NRXN2: variants seen among roughly 807,000 people sequenced by gnomAD.
NRXN2 encodes neurexin 2.
NRXN2 carries 29 observed loss-of-function variants against 128.8 expected under a neutral mutation model. The observed-to-expected ratio is 0.23, with a 90% CI of 0.17 to 0.31. NRXN2 has a LOEUF of 0.31. Ranked by LOEUF, NRXN2 falls within the 10% of genes least tolerant of loss-of-function variation. The pLI is 1.00. For missense variants in NRXN2, 1,881 were observed against 2,452.6 expected (o/e 0.77, Z 4.92); for synonymous variants, 1,098 against 1,075.2 (o/e 1.02, Z -0.41).
At chr11:64,685,272 G>A (rs556896701) in intron 6 of NRXN2, among the ~76,000 whole-genome samples, 1 of 152,222 alleles carries the variant, frequency 6.6e-6, no homozygotes, top group South Asian at 2.1e-4. Context: ...GCACCCAGGA[G>A]CACCCATTCA....
intron 17 of NRXN2, among the ~76,000 whole-genome samples, chr11:64,645,035 G>A (rs975885178): frequency 2.4e-4 from 37 of 152,252 alleles, no homozygotes; most frequent in African/African-American, 8.9e-4. Context: ...GCGGTCCTCA[G>A]AGGCACCCAG....
chr11:64,687,981 A>C (rs1231159911), intron 5 of NRXN2, among the ~76,000 whole-genome samples: 1 of 152,230 alleles, frequency 6.6e-6, no homozygotes, highest in Non-Finnish European at 1.5e-5. Context: ...GTTTTGCCAC[A>C]TGTACTAGTC....
chr11:64,607,976 G>A lies in NRXN2; in HGVS notation c.4359C>T (p.Leu1453=). 4 of 1,539,262 alleles carry A rather than the reference G, an allele frequency of 2.6e-6. No individual in the cohort carries two copies. The highest frequency in any genetic ancestry group is 2.6e-6 in the Non-Finnish European group (3 of 1,143,400). The stretch of plus-strand genomic sequence containing the variant: ...TGTCTTGGGTGGCGCCCACTCCCGT[G>A]AGGAAGGGGTAGAAGGTAGGGGGCG... ...VPPPPTFYPF[L]TGVGATQDTL... The change falls in exon 23 of 23, where the codon CTC becomes CTT. Residue 1453 remains leucine, a synonymous_variant. Coordinates refer to ENST00000265459, the MANE Select transcript of NRXN2 (RefSeq NM_015080.4).
chr11:64,626,518 T>C lies in NRXN2; in HGVS notation c.3792A>G (p.Arg1264=). 1 of 1,614,176 alleles carries C rather than the reference T, an allele frequency of 6.2e-7. No homozygotes were observed. Among genetic ancestry groups the C allele is most frequent in the Non-Finnish European group, 8.5e-7 (1 of 1,179,982 alleles). The stretch of plus-strand genomic sequence containing the variant: ...GACCAAGCCGGTAGGGGATTCTCTG[T>C]CTAGCAATCGCCAGGCGCTCGTTAT... The part of the protein sequence containing the change: ...NFDNERLAIA[R]QRIPYRLGRV... Residue 1264 remains arginine (R), a synonymous_variant, in exon 20 of 23, where the codon AGA becomes AGG. Coordinates refer to ENST00000265459, the MANE Select transcript of NRXN2 (RefSeq NM_015080.4).
intron 5 of NRXN2, among the ~76,000 whole-genome samples, chr11:64,687,413 A>G (rs1474701790): frequency 6.6e-6 from 1 of 152,096 alleles, no homozygotes; most frequent in Non-Finnish European, 1.5e-5. Flanking sequence ...CTCTGTCCTC[A>G]CTGCCTCCGG....
intron 12 of NRXN2, among the ~76,000 whole-genome samples, chr11:64,652,911 T>C (rs1152624): frequency 0.98 from 149,230 of 151,900 alleles, 73,362 homozygotes; most frequent in Middle Eastern, 1. Context: ...TGCAGCACTC[T>C]CTGGTCATCC....
chr11:64,679,860 G>A (rs1373233044), intron 6 of NRXN2, among the ~76,000 whole-genome samples: 1 of 152,186 alleles, frequency 6.6e-6, no homozygotes, highest in Non-Finnish European at 1.5e-5. Context: ...AGCTTCCACT[G>A]GAACCCATTC....
At position 64,622,034 on chromosome 11, in the gene NRXN2, C is replaced by T. The variant is rs1222976733; in HGVS notation, c.4173+719G>A. On this transcript the variant is annotated intron_variant, in intron 21 of 22. Transcript: ENST00000265459. The surrounding 1 kb of genome is among the most constrained non-coding windows in gnomAD (Gnocchi z 4.3). ...GTGCTGCAGGAAGCCTGGGACTAGGCTAGCTGGGGCCATCCAGATCAGCAG... is the reference window on the plus strand; with the variant it reads ...GTGCTGCAGGAAGCCTGGGACTAGGTTAGCTGGGGCCATCCAGATCAGCAG... Among the ~76,000 whole-genome samples the T allele has an allele frequency of 6.6e-6, 1 of 152,096 alleles. No homozygotes were observed. Among genetic ancestry groups the T allele is most frequent in the Non-Finnish European group, 1.5e-5 (1 of 67,994 alleles).
At chr11:64,678,443 C>G (rs188014774) in intron 6 of NRXN2, among the ~76,000 whole-genome samples, 1 of 152,282 alleles carries the variant, frequency 6.6e-6, no homozygotes, top group Non-Finnish European at 1.5e-5. Flanking sequence ...ATCCCAGCAG[C>G]ACAGCCTCCT....
intron 6 of NRXN2, among the ~76,000 whole-genome samples, chr11:64,680,627 C>T (rs547931610): frequency 6.6e-6 from 1 of 152,270 alleles, no homozygotes; most frequent in Admixed American, 6.5e-5. Context: ...ATAATATCTC[C>T]ACCTCACAGA....
At chr11:64,641,972 G>A (rs1216621903) in intron 17 of NRXN2, among the ~76,000 whole-genome samples, 5 of 152,184 alleles carry the variant, frequency 3.3e-5, no homozygotes, top group African/African-American at 1.2e-4. Context: ...AAGGTTGCTA[G>A]AGGGATGGAG....
intron 1 of NRXN2, among the ~76,000 whole-genome samples, chr11:64,718,096 G>T (rs935670386): frequency 6.6e-6 from 1 of 152,264 alleles, no homozygotes; most frequent in South Asian, 2.1e-4. Flanking sequence ...AACCAAAGTC[G>T]CTGGCCTTCC....
intron 7 of NRXN2, among the ~76,000 whole-genome samples, chr11:64,670,247 C>T (rs1311240608): frequency 6.6e-6 from 1 of 151,992 alleles, no homozygotes; most frequent in Non-Finnish European, 1.5e-5. Flanking sequence ...TGGAAAGGGG[C>T]AGTCTGAAAG....
intron 6 of NRXN2, 34 bp from the exon 7 acceptor site, chr11:64,677,071 G>A (rs769212822): frequency 2.3e-6 from 3 of 1,295,406 alleles, no homozygotes; most frequent in Non-Finnish European, 3.1e-6. Context: ...GGGGAGGAGG[G>A]GGGTGTCAAA....
intron 22 of NRXN2, among the ~76,000 whole-genome samples, chr11:64,613,239 C>T (rs527827976): frequency 6.6e-6 from 1 of 152,230 alleles, no homozygotes; most frequent in Non-Finnish European, 1.5e-5. Flanking sequence ...TGAGCATGAG[C>T]GTGTGCATGT....
chr11:64,698,365 T>C (rs1011205207), intron 2 of NRXN2, among the ~76,000 whole-genome samples: 50 of 152,304 alleles, frequency 3.3e-4, no homozygotes, highest in African/African-American at 1.2e-3. Flanking sequence ...CTACGGCCCC[T>C]GACCCTCCCA....
chr11:64,667,395 G>C lies in NRXN2; in HGVS notation c.1653C>G (p.Ala551=). The change falls in exon 9 of 23, where the codon GCC becomes GCG. Residue 551 remains alanine, a synonymous_variant. Coordinates refer to ENST00000265459, the MANE Select transcript of NRXN2 (RefSeq NM_015080.4). This position sits in a 1 kb window ranked among gnomAD's most constrained non-coding sequence, Gnocchi z 5.6. ...CCAATAGCTCCATGGCAAAGTAGTCGGCCCGCTGAGCAGAGCTGTGGCTGC... is the reference window on the plus strand; with the variant it reads ...CCAATAGCTCCATGGCAAAGTAGTCCGCCCGCTGAGCAGAGCTGTGGCTGC... ...GAGSHSSAQR[A]DYFAMELLDG... is the part of the protein sequence containing the mutation. The C allele has an allele frequency of 1.2e-6, 2 of 1,614,184 alleles. No individual in the cohort carries two copies. The highest frequency in any genetic ancestry group is 1.6e-4 in the Middle Eastern group (1 of 6,062).
chr11:64,719,800 G>A (rs891405519), intron 1 of NRXN2, among the ~76,000 whole-genome samples: 3 of 152,178 alleles, frequency 2.0e-5, no homozygotes, highest in African/African-American at 4.8e-5. Flanking sequence ...TTCCAGGGGC[G>A]GCCTTGTGAG....
intron 7 of NRXN2, among the ~76,000 whole-genome samples, chr11:64,672,078 GC>G (rs1455579152): frequency 6.6e-6 from 1 of 152,224 alleles, no homozygotes; most frequent in Non-Finnish European, 1.5e-5. Context: ...CAGAGCTTCT[GC>G]CCTGGAAGAG....
Sources: gnomAD v4.1 joint callset for allele counts (sites outside exome capture counted in the v4.1 genomes callset) on GRCh38, gnomAD v4.1.1 for gene constraint, Gnocchi (gnomAD v3.1) non-coding constraint, MANE v1.5 for transcripts, NCBI Gene and HGNC (gene_info 2026-07-23, HGNC 2026-07-21) for gene names.